Variants in MRC2 observed in about 807,000 individuals in gnomAD.
The protein encoded by MRC2 is mannose receptor C-type 2.
Under a neutral mutation model 206.2 loss-of-function variants are expected in MRC2, and 84 were observed. The observed-to-expected ratio is 0.41, with a 90% CI of 0.34 to 0.49. MRC2 has a LOEUF of 0.49. Ranked by LOEUF, MRC2 falls within the 20% of genes least tolerant of loss-of-function variation. The pLI is 0.31. For missense variants in MRC2, 1,676 were observed against 2,001.5 expected (o/e 0.84, Z 3.10); for synonymous variants, 798 against 800.0 (o/e 1.00, Z 0.04).
chr17:62,658,924 G>A (rs1162249622), intron 1 of MRC2, among the ~76,000 whole-genome samples: 2 of 152,170 alleles, frequency 1.3e-5, no homozygotes, highest in Non-Finnish European at 2.9e-5. Flanking sequence ...TCTGGTGGGT[G>A]GCTGAAAGGT....
At chr17:62,637,535 CAAAA>C (rs61648461) in intron 1 of MRC2, among the ~76,000 whole-genome samples, 5 of 136,642 alleles carry the variant, frequency 3.7e-5, no homozygotes, top group Non-Finnish European at 7.9e-5. Flanking sequence ...GACTGTGTCT[CAAAA>C]AAAAAAAAAA....
chr17:62,691,042 G>C lies in MRC2; in HGVS notation c.4106G>C (p.Cys1369Ser). The change falls in exon 28 of 30, where the codon TGC becomes TCC. Residue 1369 changes from cysteine to serine, a missense_variant. By Grantham distance (112) the Cys-to-Ser change is moderately radical. This residue lies in a region of MRC2 where 1,354 missense variants were observed against 1,636.6 expected (regional missense o/e 0.83). Coordinates refer to ENST00000303375, the MANE Select transcript of MRC2 (RefSeq NM_006039.5). ...CCCAGCATGCTGAGCCACAACAGCT[G>C]CTACTGGATTCAGAGCAACAGCGGG... ...LGPSMLSHNS[C>S]YWIQSNSGLW... The C allele has an allele frequency of 6.2e-7, 1 of 1,610,270 alleles. No individual in the cohort carries two copies. The highest frequency in any genetic ancestry group is 8.5e-7 in the Non-Finnish European group (1 of 1,179,058).
chr17:62,689,903 C>T lies in MRC2; in HGVS notation c.3583C>T (p.Arg1195Trp), dbSNP rs1446902653. The T allele has an allele frequency of 2.0e-5, 32 of 1,595,168 alleles. No homozygotes were observed. In the Middle Eastern group the frequency reaches 6.6e-4, roughly 33 times the overall value. ...IGLAGEEGSRRYSWVSEEPLN... is the reference protein window; with the variant it reads ...IGLAGEEGSRWYSWVSEEPLN... Reference sequence around the variant, plus strand: ...GGCCCCCCATGCCCAGGGCTCTCGGCGGTACTCCTGGGTCTCAGAGGAGCC... The same window carrying T: ...GGCCCCCCATGCCCAGGGCTCTCGGTGGTACTCCTGGGTCTCAGAGGAGCC... Residue 1195 changes from arginine to tryptophan, a missense_variant, in exon 25 of 30, where the codon CGG becomes TGG. Arg to Trp is a moderately radical substitution (Grantham distance 101, BLOSUM62 -3). Transcript: ENST00000303375.
At chr17:62,679,684 G>A in intron 13 of MRC2, 116 bp from the exon 14 acceptor site, 1 of 859,168 alleles carries the variant, frequency 1.2e-6, no homozygotes, top group Non-Finnish European at 1.8e-6. Flanking sequence ...CAGATGGAGA[G>A]GCCCCAGGCC....
chr17:62,679,942 G>T, intron 14 of MRC2, 40 bp downstream of exon 14: 1 of 1,565,620 alleles, frequency 6.4e-7, no homozygotes. Context: ...GAGGCCGGGA[G>T]CTTGGTGGGC....
In MRC2 at chr17:62,689,919, C is replaced by T. The variant is rs1252568529; in HGVS notation, c.3599C>T (p.Ser1200Leu). The T allele has an allele frequency of 6.2e-7, 1 of 1,603,566 alleles. No homozygotes were observed. Among genetic ancestry groups the T allele is most frequent in the African/African-American group, 1.3e-5 (1 of 74,880 alleles). The change falls in exon 25 of 30, where the codon TCA becomes TTA. Residue 1200 changes from serine (S) to leucine (L), a missense_variant. By Grantham distance (145) the Ser-to-Leu change is moderately radical (BLOSUM62 -2). Coordinates refer to ENST00000303375, the MANE Select transcript of MRC2 (RefSeq NM_006039.5). ...GGCTCTCGGCGGTACTCCTGGGTCT[C>T]AGAGGAGCCGCTGAACTACGTGGGC... ...EEGSRRYSWV[S>L]EEPLNYVGWQ...
chr17:62,677,777 C>A (rs1268909253), intron 12 of MRC2, among the ~76,000 whole-genome samples: 1 of 152,172 alleles, frequency 6.6e-6, no homozygotes, highest in Non-Finnish European at 1.5e-5. Flanking sequence ...CTTGGCCGGG[C>A]GCAGTGGCTC....
chr17:62,664,946 C>T lies in MRC2; in HGVS notation c.517C>T (p.His173Tyr), dbSNP rs113859572. Residue 173 changes from histidine to tyrosine, a missense_variant, in exon 2 of 30, where the codon CAC becomes TAC. By Grantham distance (83) the His-to-Tyr change is moderately conservative. Around this residue, in one of 3 missense-constraint regions of MRC2, gnomAD observed 318 missense variants for 346.7 expected, o/e 0.92. Transcript: ENST00000303375. The surrounding 1 kb of genome is among the most constrained non-coding windows in gnomAD (Gnocchi z 4.7). ...SEEDLCALPYHEVYTIQGNSH... is the reference protein window; with the variant it reads ...SEEDLCALPYYEVYTIQGNSH... The stretch of plus-strand genomic sequence containing the variant: ...GGAGGACCTATGTGCTCTGCCCTAC[C>T]ACGGTGAGGGGCCGCTTGCAGGCGG... The T allele has an allele frequency of 7.9e-3, 12,638 of 1,600,686 alleles. 71 individuals are homozygous for T. The highest frequency in any genetic ancestry group is 9.6e-3 in the Non-Finnish European group (11,327 of 1,174,134).
intron 9 of MRC2, 90 bp downstream of exon 9, chr17:62,674,260 GC>G: frequency 1.1e-6 from 1 of 898,962 alleles, no homozygotes; most frequent in Non-Finnish European, 1.7e-6. Context: ...CTGCTGCCTC[GC>G]ATGGCATCGC....
intron 6 of MRC2, among the ~76,000 whole-genome samples, chr17:62,669,126 A>AC (rs1491386020): frequency 5.5e-4 from 81 of 146,868 alleles, no homozygotes; most frequent in African/African-American, 1.5e-3. Flanking sequence ...ACACACACAC[A>AC]ACACTAACTA....
chr17:62,635,263 T>A (rs1414122121), intron 1 of MRC2, among the ~76,000 whole-genome samples: 5 of 147,422 alleles, frequency 3.4e-5, no homozygotes, highest in Non-Finnish European at 7.4e-5. Context: ...CTTTGCTAAC[T>A]ACTGTAAGTG....
Position 62,688,405 on chromosome 17 carries a change from T to C in MRC2, c.3061+2T>C. The C allele has an allele frequency of 1.2e-6, 2 of 1,614,174 alleles. No individual in the cohort carries two copies. The highest frequency in any genetic ancestry group is 1.7e-6 in the Non-Finnish European group (2 of 1,180,014). ...CCATCACAAACCCCTTAGAGCAAGG[T>C]AGGGCCAGCCTATGGGGAGCCCCCA... On this transcript the variant is annotated splice_donor_variant, in intron 21 of 29. Coordinates refer to ENST00000303375, the MANE Select transcript of MRC2 (RefSeq NM_006039.5). LOFTEE classifies it high-confidence loss of function.
intron 1 of MRC2, among the ~76,000 whole-genome samples, chr17:62,654,648 C>T (rs1445245968): frequency 6.6e-6 from 1 of 152,068 alleles, no homozygotes; most frequent in Non-Finnish European, 1.5e-5. Context: ...CACTCAGCCT[C>T]GCGACTTCAC....
chr17:62,649,464 G>A (rs374426505), intron 1 of MRC2, among the ~76,000 whole-genome samples: 1 of 152,128 alleles, frequency 6.6e-6, no homozygotes, highest in African/African-American at 2.4e-5. Flanking sequence ...GGTGGTGGGC[G>A]CCTGTAATCC....
chr17:62,677,889 A>G lies in MRC2; in HGVS notation c.2052+403A>G, dbSNP rs951171946. 3.3e-5 allele frequency among the ~76,000 whole-genome samples: 5 copies of G among 151,940 alleles called. No homozygotes were observed. The South Asian group carries it at 1.0e-3, about 32-fold the overall frequency. ...ACATGGTGAAACCCCATCTCTACTA[A>G]AATACAAAAAATTAGCCAGGTGTGG... On this transcript the variant is annotated intron_variant, in intron 12 of 29. Transcript: ENST00000303375.
At chr17:62,633,321 T>G (rs2088268446) in intron 1 of MRC2, among the ~76,000 whole-genome samples, 1 of 151,058 alleles carries the variant, frequency 6.6e-6, no homozygotes, top group South Asian at 2.1e-4. Flanking sequence ...GCTAACACGG[T>G]GAAACCCCAT....
Position 62,680,947 on chromosome 17 carries a change from A to T in MRC2, c.2621A>T (p.His874Leu). 1 of 1,612,996 alleles carries T rather than the reference A, an allele frequency of 6.2e-7. No individual in the cohort carries two copies. Residue 874 changes from histidine (H) to leucine (L), a missense_variant, in exon 17 of 30, where the codon CAC (histidine) becomes CTC (leucine). Physicochemically the swap from His to Leu is moderately conservative, Grantham distance 99. Coordinates refer to ENST00000303375, the MANE Select transcript of MRC2 (RefSeq NM_006039.5). This position sits in a 1 kb window ranked among gnomAD's most constrained non-coding sequence, Gnocchi z 4.8. Reference protein sequence around the residue: ...HSQAELDFLSHNLQKFSRAQE... With the variant: ...HSQAELDFLSLNLQKFSRAQE... Reference sequence around the variant, plus strand: ...CAGGCGGAGCTAGACTTCCTGAGCCACAACTTGCAGAAGGTGGGCATTGGA... The same window carrying T: ...CAGGCGGAGCTAGACTTCCTGAGCCTCAACTTGCAGAAGGTGGGCATTGGA...
At chr17:62,674,254 T>G in intron 9 of MRC2, 84 bp downstream of exon 9, 2 of 986,108 alleles carry the variant, frequency 2.0e-6, no homozygotes, top group South Asian at 1.6e-5. Flanking sequence ...GAACTCCTGC[T>G]GCCTCGCATG....
chr17:62,635,193 T>C (rs866007714), intron 1 of MRC2, among the ~76,000 whole-genome samples: 5 of 50,390 alleles, frequency 9.9e-5, no homozygotes, highest in Admixed American at 2.5e-4. Flanking sequence ...ATTTTTCTCT[T>C]TTTTTTTTTT....
Sources: allele counts gnomAD v4.1 joint callset (sites outside exome capture counted in the v4.1 genomes callset), GRCh38; gene constraint gnomAD v4.1.1; regional missense constraint gnomAD v4.1.1; non-coding constraint Gnocchi (gnomAD v3.1); transcripts MANE v1.5; gene names NCBI Gene and HGNC (gene_info 2026-07-23, HGNC 2026-07-21).